Variants in MAP4K5 observed in about 807,000 individuals in gnomAD.
The protein encoded by MAP4K5 is MAPK/ERK kinase kinase kinase 5.
MAP4K5 carries 82 observed loss-of-function variants against 135.6 expected under a neutral mutation model. That is an observed-to-expected ratio of 0.60 (90% CI 0.51 to 0.73). MAP4K5 has a LOEUF of 0.73. MAP4K5 is among the 30% of genes least tolerant of loss of function. The pLI, the probability that MAP4K5 is intolerant of heterozygous loss-of-function variation, is 0.00. For synonymous variants in MAP4K5, 347 were observed against 335.0 expected, an observed-to-expected ratio of 1.04 and a Z score of -0.39; for missense variants, 907 against 1,010.9, an observed-to-expected ratio of 0.90 and a Z score of 1.39.
chr14:50,466,555 C>T, intron 11 of MAP4K5, 28 bp downstream of exon 11: 1 of 1,155,896 alleles, frequency 8.7e-7, no homozygotes, highest in Non-Finnish European at 1.3e-6. Flanking sequence ...TTGTAAAATT[C>T]TATAAAACTA....
At chr14:50,459,558 A>G (rs946009630) in intron 13 of MAP4K5, among the ~76,000 whole-genome samples, 1 of 152,138 alleles carries the variant, frequency 6.6e-6, no homozygotes, top group Non-Finnish European at 1.5e-5. Context: ...TTACCCTTTA[A>G]TGGCTTTCTA....
Position 50,418,750 on chromosome 14 carries a change from A to G in MAP4K5, c.*1269T>C, listed in dbSNP as rs1238089516. On this transcript the variant is annotated 3_prime_UTR_variant, in exon 33 of 33. Coordinates refer to ENST00000682126, the MANE Select transcript of MAP4K5 (RefSeq NM_006575.6). ...GTTTTCCTCTTAAGTAATTAGTCAA[A>G]ATAATTATAGAGTTTGCTATTGCTA... 6.6e-6 allele frequency: 1 copy of G among 152,256 alleles called. No individual in the cohort carries two copies. Among genetic ancestry groups the G allele is most frequent in the Non-Finnish European group, 1.5e-5 (1 of 68,036 alleles). 9.4% of individuals were successfully genotyped at this position (152,256 alleles called of 1,614,324 possible).
intron 30 of MAP4K5, among the ~76,000 whole-genome samples, chr14:50,426,412 T>C (rs1259036920): frequency 6.6e-6 from 1 of 152,198 alleles, no homozygotes; most frequent in Non-Finnish European, 1.5e-5. Flanking sequence ...ATATTTTCCC[T>C]GTAACAAAAG....
chr14:50,557,853 TGGC>T (rs1189311911), intron 1 of MAP4K5, among the ~76,000 whole-genome samples: 1 of 152,284 alleles, frequency 6.6e-6, no homozygotes, highest in Non-Finnish European at 1.5e-5. Flanking sequence ...CTTGGAGAAA[TGGC>T]TATTCTAGTT....
intron 2 of MAP4K5, among the ~76,000 whole-genome samples, chr14:50,519,177 T>C (rs2038096184): frequency 6.6e-6 from 1 of 151,910 alleles, no homozygotes; most frequent in South Asian, 2.1e-4. Context: ...AAAGTTGTTA[T>C]ATATTGTTAA....
rs1033990855 is a variant in MAP4K5 at position 50,445,807 on chromosome 14, T to A, written c.1185+272A>T. On this transcript the variant is annotated intron_variant, in intron 17 of 32. Transcript: ENST00000682126. The stretch of plus-strand genomic sequence containing the variant: ...GTCTCAAACTCCTGATCTGAAGTGA[T>A]CCACTTGCCTTTGTCTCCCGAAGTG... 3.9e-5 allele frequency among the ~76,000 whole-genome samples: 6 copies of A among 152,280 alleles called. No homozygotes were observed. The South Asian group carries it at 1.2e-3, about 32-fold the overall frequency.
chr14:50,557,479 T>C (rs1230602466), intron 1 of MAP4K5, among the ~76,000 whole-genome samples: 1 of 152,252 alleles, frequency 6.6e-6, no homozygotes, highest in Non-Finnish European at 1.5e-5. Context: ...TTTAACATTG[T>C]ATTCTGGAAA....
At chr14:50,540,130 A>G (rs758805443) in intron 2 of MAP4K5, among the ~76,000 whole-genome samples, 3 of 152,228 alleles carry the variant, frequency 2.0e-5, no homozygotes, top group Non-Finnish European at 4.4e-5. Flanking sequence ...ATCCTGGTAG[A>G]GGTCAGGTGG....
intron 28 of MAP4K5, among the ~76,000 whole-genome samples, chr14:50,429,557 G>A (rs919790803): frequency 6.6e-6 from 1 of 152,180 alleles, no homozygotes; most frequent in African/African-American, 2.4e-5. Context: ...AAAATATGAG[G>A]AGGAAAAGTA....
chr14:50,445,177 G>A lies in MAP4K5; in HGVS notation c.1203C>T (p.Tyr401=), dbSNP rs1370812406. The A allele has an allele frequency of 5.6e-6, 9 of 1,613,296 alleles. No individual in the cohort carries two copies. Among genetic ancestry groups the A allele is most frequent in the Non-Finnish European group, 7.6e-6 (9 of 1,179,556 alleles). Residue 401 remains tyrosine (Y), a synonymous_variant, in exon 18 of 33, where the codon TAC becomes TAT. Coordinates refer to ENST00000682126, the MANE Select transcript of MAP4K5 (RefSeq NM_006575.6). Reference sequence around the variant, plus strand: ...CTTCATCCGGAAAGTTGTCTTCAGGGTAACTGCTTATCCTTGGCTAGTGGT... The same window carrying A: ...CTTCATCCGGAAAGTTGTCTTCAGGATAACTGCTTATCCTTGGCTAGTGGT... ...PLPPKPRISS[Y]PEDNFPDEEK...
At chr14:50,424,352 T>C (rs925076301) in intron 31 of MAP4K5, among the ~76,000 whole-genome samples, 1 of 151,914 alleles carries the variant, frequency 6.6e-6, no homozygotes, top group African/African-American at 2.4e-5. Flanking sequence ...ATGAAAGAGG[T>C]CAAGACTTTA....
intron 2 of MAP4K5, among the ~76,000 whole-genome samples, chr14:50,530,771 C>G (rs974319): frequency 0.99 from 151,368 of 152,300 alleles, 75,231 homozygotes; most frequent in Middle Eastern, 1. Flanking sequence ...CTTGTTTAAG[C>G]AATAAAAAGC....
At chr14:50,437,613 TCAGA>T in intron 25 of MAP4K5, 79 bp from the exon 26 acceptor site, 1 of 1,014,998 alleles carries the variant, frequency 9.9e-7, no homozygotes, top group South Asian at 1.5e-5. Flanking sequence ...TGCATCAGAA[TCAGA>T]CAGAAAGGAG....
At chr14:50,462,492 G>A (rs754594971) in intron 13 of MAP4K5, among the ~76,000 whole-genome samples, 173 bp downstream of exon 13, 1 of 152,046 alleles carries the variant, frequency 6.6e-6, no homozygotes, top group Non-Finnish European at 1.5e-5. Flanking sequence ...CAATAAAAAA[G>A]TATCAACTGA....
intron 12 of MAP4K5, 36 bp from the exon 13 acceptor site, chr14:50,462,817 C>T: frequency 8.3e-7 from 1 of 1,198,858 alleles, no homozygotes; most frequent in Non-Finnish European, 1.2e-6. Context: ...ATGAGTATGC[C>T]TTTACATCTA....
rs1184006389 is a variant in MAP4K5, at chr14:50,440,331, A to G, written c.1644+31T>C. On this transcript the variant is annotated intron_variant, in intron 22 of 32. Transcript: ENST00000682126. ...ACACTTCTTTATTCAATTTGTTTAAATTAATTTCTTGAATTAAAATGCCTA... is the reference window on the plus strand; with the variant it reads ...ACACTTCTTTATTCAATTTGTTTAAGTTAATTTCTTGAATTAAAATGCCTA... 4.3e-6 allele frequency: 6 copies of G among 1,403,512 alleles called. No individual in the cohort carries two copies. In the Admixed American group the frequency reaches 7.3e-5, roughly 17 times the overall value. 86.9% of individuals were successfully genotyped at this position (1,403,512 alleles called of 1,614,324 possible).
At position 50,463,875 on chromosome 14, in the gene MAP4K5, A is replaced by G. The variant is rs1447389829; in HGVS notation, c.819+177T>C. On this transcript the variant is annotated intron_variant, in intron 12 of 32. Transcript: ENST00000682126. ...CACTGCACTCCAGTCTGGGTGACAG[A>G]GTGAGACCCTGTTTCCAAAAAAAAA... Among the ~76,000 whole-genome samples the G allele has an allele frequency of 5.2e-5, 6 of 115,932 alleles. 1 individual carries two copies. Among genetic ancestry groups the G allele is most frequent in the Admixed American group, 1.2e-4 (1 of 8,606 alleles). 76.1% of individuals were successfully genotyped at this position (115,932 alleles called of 152,430 possible).
intron 14 of MAP4K5, among the ~76,000 whole-genome samples, chr14:50,453,607 A>G (rs1006304888): frequency 6.6e-6 from 1 of 152,104 alleles, no homozygotes; most frequent in Non-Finnish European, 1.5e-5. Flanking sequence ...AGAGAAACAG[A>G]CTCAATTTCC....
intron 9 of MAP4K5, among the ~76,000 whole-genome samples, chr14:50,473,599 T>G (rs2037021779): frequency 6.6e-6 from 1 of 152,162 alleles, no homozygotes; most frequent in Non-Finnish European, 1.5e-5. Flanking sequence ...TAAACAAGTT[T>G]TAAATTTTCA....
Sources: gnomAD v4.1 joint callset for allele counts (sites outside exome capture counted in the v4.1 genomes callset) on GRCh38, gnomAD v4.1.1 for gene constraint, MANE v1.5 for transcripts, NCBI Gene and HGNC (gene_info 2026-07-23, HGNC 2026-07-21) for gene names.